The following SEPHS1 variants were observed in gnomAD, a reference collection of about 807,000 sequenced individuals.
The protein encoded by SEPHS1 is zincore component SEPHS1.
SEPHS1 carries 7 observed loss-of-function variants against 39.2 expected under a neutral mutation model. The observed-to-expected ratio is 0.18, with a 90% CI of 0.10 to 0.34. The LOEUF is 0.34. SEPHS1 is among the 10% of genes least tolerant of loss of function. The probability of loss-of-function intolerance (pLI) is 1.00; values close to 1 mark genes in which losing one functional copy is unlikely to be tolerated. For missense variants in SEPHS1, 253 were observed against 514.5 expected (o/e 0.49, Z 4.92); for synonymous variants, 190 against 195.5 (o/e 0.97, Z 0.23).
intron 8 of SEPHS1, 92 bp downstream of exon 8, chr10:13,322,743 T>C (rs1453845847): frequency 3.3e-6 from 4 of 1,203,824 alleles, no homozygotes; most frequent in Non-Finnish European, 4.7e-6. Context: ...TCGAACAGAG[T>C]GGGGGCCCAC....
chr10:13,325,430 G>A (rs1398985321), intron 7 of SEPHS1, among the ~76,000 whole-genome samples: 1 of 152,102 alleles, frequency 6.6e-6, no homozygotes, highest in Non-Finnish European at 1.5e-5. Context: ...TGCTGTTCTC[G>A]TCAGGGTGAA....
intron 6 of SEPHS1, among the ~76,000 whole-genome samples, chr10:13,328,869 A>G (rs1051722968): frequency 6.6e-6 from 1 of 152,220 alleles, no homozygotes; most frequent in African/African-American, 2.4e-5. Context: ...ACATCCCCGC[A>G]GTGGCCTTCT....
Position 13,319,190 on chromosome 10 carries a change from T to C in SEPHS1, c.1131A>G (p.Pro377=), listed in dbSNP as rs373713067. Residue 377 remains proline (P), a synonymous_variant, in exon 9 of 9, where the codon CCA becomes CCG. Transcript: ENST00000327347. ...IDKPRIIEVA[P]QVATQNVNPT... ...GATTCACATTTTGAGTGGCCACTTG[T>C]GGTGCGACCTCGATGATCCGGGGTT... 3 of 1,613,828 alleles carry C rather than the reference T, an allele frequency of 1.9e-6. No homozygotes were observed. The highest frequency in any genetic ancestry group is 1.7e-5 in the Admixed American group (1 of 59,968).
At chr10:13,335,483 G>C (rs538024689) in intron 4 of SEPHS1, among the ~76,000 whole-genome samples, 137 of 151,208 alleles carry the variant, frequency 9.1e-4, no homozygotes, top group African/African-American at 3.3e-3. Context: ...GACCAACATG[G>C]TGAAACCCCA....
intron 6 of SEPHS1, 64 bp downstream of exon 6, chr10:13,329,634 C>G: frequency 7.7e-7 from 1 of 1,291,490 alleles, no homozygotes; most frequent in Middle Eastern, 1.9e-4. Context: ...CCCAAATCCT[C>G]CAACAAAAAT....
In SEPHS1 at chr10:13,328,695, G is replaced by A. The variant is rs374657102; in HGVS notation, c.652-245C>T. On this transcript the variant is annotated intron_variant, in intron 6 of 8. Transcript: ENST00000327347. ...GTAATTAAGTGCTGTGATTTATTGG[G>A]TATGTGTAGTCTAGCGGGACACACG... Among the ~76,000 whole-genome samples, 9 of 152,160 alleles carry A rather than the reference G, an allele frequency of 5.9e-5. 1 individual carries two copies. In the East Asian group the frequency reaches 1.3e-3, roughly 23 times the overall value.
intron 8 of SEPHS1, among the ~76,000 whole-genome samples, chr10:13,320,706 C>T (rs1296308494): frequency 1.3e-5 from 2 of 151,910 alleles, no homozygotes; most frequent in Non-Finnish European, 2.9e-5. Flanking sequence ...TGGCACAGCC[C>T]TGTAATCCCA....
rs1464594652 is a variant in SEPHS1 at position 13,318,492 on chromosome 10, C to T, written c.*650G>A. 6.6e-6 allele frequency: 1 copy of T among 152,500 alleles called. No homozygotes were observed. The highest frequency in any genetic ancestry group is 1.9e-4 in the East Asian group (1 of 5,204). The allele number at this position is 152,500 out of a possible 1,614,324, so 9.4% of individuals were successfully genotyped here. On this transcript the variant is annotated 3_prime_UTR_variant, in exon 9 of 9. Transcript: ENST00000327347. The stretch of plus-strand genomic sequence containing the variant: ...CAGTTAATGGTATTACTGTAAATAT[C>T]AGGAAGGCTACAAAAAAAGAAATAA...
intron 7 of SEPHS1, among the ~76,000 whole-genome samples, chr10:13,328,093 A>G (rs1833357885): frequency 6.6e-6 from 1 of 152,204 alleles, no homozygotes; most frequent in African/African-American, 2.4e-5. Flanking sequence ...TTACATAGGT[A>G]ACCCACACAA....
intron 8 of SEPHS1, among the ~76,000 whole-genome samples, chr10:13,320,283 A>G (rs995273728): frequency 1.5e-4 from 23 of 151,124 alleles, no homozygotes; most frequent in African/African-American, 4.1e-4. Context: ...CCGGGTTCAC[A>G]CCATTCTCCT....
intron 7 of SEPHS1, among the ~76,000 whole-genome samples, chr10:13,323,385 C>T (rs1005953334): frequency 1.3e-5 from 2 of 152,020 alleles, no homozygotes; most frequent in East Asian, 1.9e-4. Context: ...GATGGAGTCT[C>T]GCTCTGTCAT....
chr10:13,346,473 A>T (rs1833925010), intron 1 of SEPHS1, among the ~76,000 whole-genome samples: 1 of 152,174 alleles, frequency 6.6e-6, no homozygotes, highest in East Asian at 1.9e-4. Flanking sequence ...TGGGATGAGC[A>T]ATGATTTCGG....
In SEPHS1 at chr10:13,348,133, G is replaced by GCGGC. The variant is rs1833992361; in HGVS notation, c.-213_-212insGCCG. On this transcript the variant is annotated 5_prime_UTR_variant, in exon 1 of 9. Coordinates refer to ENST00000327347, the MANE Select transcript of SEPHS1 (RefSeq NM_012247.5). ...GCGCCCGGCGGCGGCGGCGGCGGCGGGGGCCCGGGCCCGCGCCTGGGCGCC... is the reference window on the plus strand; with the variant it reads ...GCGCCCGGCGGCGGCGGCGGCGGCGGCGGCGGGCCCGGGCCCGCGCCTGGGCGCC... 2 of 145,174 alleles carry GCGGC rather than the reference G, an allele frequency of 1.4e-5. No individual in the cohort carries two copies. Among genetic ancestry groups the GCGGC allele is most frequent in the Non-Finnish European group, 1.5e-5 (1 of 65,438 alleles). 9.0% of individuals were successfully genotyped at this position (145,174 alleles called of 1,614,324 possible).
At chr10:13,336,390 C>A in intron 3 of SEPHS1, 40 bp from the exon 4 acceptor site, 2 of 1,479,430 alleles carry the variant, frequency 1.4e-6, no homozygotes, top group Non-Finnish European at 1.9e-6. Flanking sequence ...CGACCGGGGA[C>A]TTTCCATCTG....
At chr10:13,347,209 G>A (rs1463700784) in intron 1 of SEPHS1, 1 of 151,998 alleles carries the variant, frequency 6.6e-6, no homozygotes, top group East Asian at 1.9e-4. Flanking sequence ...CTTCCAACGA[G>A]CGTGGGGAGC....
chr10:13,336,002 C>A (rs1588543836), intron 4 of SEPHS1, among the ~76,000 whole-genome samples: 1 of 136,928 alleles, frequency 7.3e-6, no homozygotes, highest in African/African-American at 2.6e-5. Flanking sequence ...AAAAAAAAGT[C>A]TTGGTTTCAG....
intron 1 of SEPHS1, among the ~76,000 whole-genome samples, chr10:13,347,680 G>A (rs1302041812): frequency 6.8e-6 from 1 of 146,086 alleles, no homozygotes; most frequent in East Asian, 2.0e-4. Flanking sequence ...CGCCGCCGCC[G>A]CGCAAAAATG....
chr10:13,328,264 A>T, intron 7 of SEPHS1, 87 bp downstream of exon 7: 2 of 921,892 alleles, frequency 2.2e-6, no homozygotes, highest in South Asian at 3.1e-5. Context: ...CTGGCCACCT[A>T]CCCTGAGACA....
intron 2 of SEPHS1, among the ~76,000 whole-genome samples, chr10:13,343,289 C>T (rs759350535): frequency 6.6e-6 from 1 of 152,072 alleles, no homozygotes; most frequent in Non-Finnish European, 1.5e-5. Context: ...AACATCAAAC[C>T]CAGCTCGCTC....
Sources: gnomAD v4.1 joint callset for allele counts (sites outside exome capture counted in the v4.1 genomes callset) on GRCh38, gnomAD v4.1.1 for gene constraint, MANE v1.5 for transcripts, NCBI Gene and HGNC (gene_info 2026-07-23, HGNC 2026-07-21) for gene names.